Variants in MGA observed in about 807,000 individuals in gnomAD.
The protein encoded by MGA is MAX gene-associated protein.
Under a neutral mutation model 261.1 loss-of-function variants are expected in MGA, and 40 were observed. The ratio of observed to expected loss-of-function variants is 0.15; its 90% CI spans 0.12 to 0.20. The LOEUF (loss-of-function observed/expected upper bound fraction) is 0.20. MGA is among the 10% of genes least tolerant of loss of function. The pLI is 1.00. For synonymous variants in MGA, 1,302 were observed against 1,290.6 expected (o/e 1.01, Z -0.19); for missense variants, 3,397 against 3,630.5 (o/e 0.94, Z 1.65).
intron 5 of MGA, among the ~76,000 whole-genome samples, chr15:41,703,811 GGTT>G (rs1160076041): frequency 6.6e-6 from 1 of 152,106 alleles, no homozygotes; most frequent in Non-Finnish European, 1.5e-5. Context: ...TTTGGTTTTT[GGTT>G]GTTGTTTTTG....
intron 11 of MGA, among the ~76,000 whole-genome samples, chr15:41,732,126 G>A (rs2061537959): frequency 6.6e-6 from 1 of 151,178 alleles, no homozygotes; most frequent in African/African-American, 2.4e-5. Context: ...TAAAGAAAAA[G>A]CCCCTAAAAT....
At chr15:41,709,603 C>T (rs758757256) in intron 7 of MGA, among the ~76,000 whole-genome samples, 5 of 151,736 alleles carry the variant, frequency 3.3e-5, no homozygotes, top group Non-Finnish European at 7.4e-5. Context: ...CGCCACCATG[C>T]CTGGCTAAGT....
At chr15:41,703,368 A>ACCCCCCCCCCCCCCCCCC (rs71108121) in intron 5 of MGA, among the ~76,000 whole-genome samples, 5 of 93,250 alleles carry the variant, frequency 5.4e-5, no homozygotes, top group Admixed American at 1.4e-4. Context: ...TTGTGAAGTT[A>ACCCCCCCCCCCCCCCCCC]CCCCCCCCCC....
intron 2 of MGA, among the ~76,000 whole-genome samples, chr15:41,677,361 C>G (rs192254441): frequency 6.6e-6 from 1 of 152,160 alleles, no homozygotes. Flanking sequence ...AGGCTGGTTT[C>G]GAACTCCTGA....
chr15:41,750,384 A>C lies in MGA; in HGVS notation c.6777A>C (p.Arg2259Ser). 1.9e-6 allele frequency: 3 copies of C among 1,613,930 alleles called. No individual in the cohort carries two copies. Among genetic ancestry groups the C allele is most frequent in the Non-Finnish European group, 2.5e-6 (3 of 1,179,882 alleles). ...CAGCCTTCTCCATTGTTCCTAGGAG[A>C]GCTGCAAAAAGCAGCAGAGGGAATG... is the stretch of plus-strand genomic sequence containing the variant. The change falls in exon 17 of 24, where the codon AGA becomes AGC. Residue 2259 changes from arginine to serine, a missense_variant. By Grantham distance (110) the Arg-to-Ser change is moderately radical (BLOSUM62 -1). This residue lies in a region of MGA where 1,410 missense variants were observed against 1,386.4 expected (regional missense o/e 1.02). Transcript: ENST00000219905.
chr15:41,693,575 T>TTAG (rs1001380595), intron 2 of MGA, among the ~76,000 whole-genome samples: 45 of 152,268 alleles, frequency 3.0e-4, no homozygotes, highest in African/African-American at 1.1e-3. Context: ...AGACACTGGG[T>TTAG]TAGCAAGTAG....
At chr15:41,633,813 A>T (rs1398260534) in intron 1 of MGA, among the ~76,000 whole-genome samples, 1 of 152,196 alleles carries the variant, frequency 6.6e-6, no homozygotes, top group Admixed American at 6.5e-5. Context: ...TCCTCTGCTC[A>T]AAACCTTACA....
intron 15 of MGA, among the ~76,000 whole-genome samples, chr15:41,745,036 G>A (rs969437874): frequency 1.3e-5 from 2 of 151,998 alleles, no homozygotes; most frequent in African/African-American, 2.4e-5. Flanking sequence ...CCGCCACCAC[G>A]CAGTGGTGTA....
At chr15:41,655,571 T>C (rs1248047832), upstream of MGA, among the ~76,000 whole-genome samples, 2 of 152,160 alleles carry the variant, frequency 1.3e-5, no homozygotes, top group Non-Finnish European at 2.9e-5. Flanking sequence ...GTATTGTCAT[T>C]TATTTGTTTT....
Position 41,734,508 on chromosome 15 carries a change from A to G in MGA, c.3844-14A>G, listed in dbSNP as rs1402867981. ...TGTTAAGTTAAAGTATTTCTGTGTT[A>G]CTGTCTCCTTCAGGAACCTGATTCT... On this transcript the variant is annotated splice_polypyrimidine_tract_variant and intron_variant, in intron 11 of 23. Transcript: ENST00000219905. 1.3e-6 allele frequency: 2 copies of G among 1,595,290 alleles called. No individual in the cohort carries two copies. The highest frequency in any genetic ancestry group is 2.3e-5 in the South Asian group (2 of 88,732).
intron 2 of MGA, among the ~76,000 whole-genome samples, chr15:41,680,972 T>C (rs934362403): frequency 6.6e-6 from 1 of 152,044 alleles, no homozygotes; most frequent in Non-Finnish European, 1.5e-5. Flanking sequence ...ATTTAGGGGG[T>C]CTACTACAGG....
intron 1 of MGA, among the ~76,000 whole-genome samples, chr15:41,641,414 C>G (rs2056816224): frequency 6.6e-6 from 1 of 151,432 alleles, no homozygotes; most frequent in Non-Finnish European, 1.5e-5. Context: ...TGCCAGTGTT[C>G]TCCAGAGTAC....
At chr15:41,685,829 C>T (rs759985792) in intron 2 of MGA, among the ~76,000 whole-genome samples, 37 of 151,590 alleles carry the variant, frequency 2.4e-4, no homozygotes, top group Non-Finnish European at 4.0e-4. Flanking sequence ...GGTGAAACCC[C>T]GTCTCTACTA....
chr15:41,666,266 A>G (rs539479557), intron 1 of MGA, among the ~76,000 whole-genome samples: 3 of 152,346 alleles, frequency 2.0e-5, no homozygotes, highest in Non-Finnish European at 2.9e-5. Flanking sequence ...GTAAAAGGGT[A>G]TCTTTTCCAA....
At chr15:41,675,193 C>A (rs765808117) in intron 2 of MGA, among the ~76,000 whole-genome samples, 2 of 152,196 alleles carry the variant, frequency 1.3e-5, no homozygotes, top group Non-Finnish European at 2.9e-5. Flanking sequence ...AGTAGGCATA[C>A]TTTTAGTAGA....
At chr15:41,704,681 A>G (rs1269020017) in intron 5 of MGA, among the ~76,000 whole-genome samples, 3 of 152,150 alleles carry the variant, frequency 2.0e-5, no homozygotes, top group African/African-American at 4.8e-5. Flanking sequence ...AACAAAAAAA[A>G]TTGGTGATTA....
chr15:41,698,831 AACT>A (rs960302228), intron 3 of MGA, 29 bp from the exon 4 acceptor site: 1 of 1,425,194 alleles, frequency 7.0e-7, no homozygotes, highest in South Asian at 1.4e-5. Context: ...AAGCAATATG[AACT>A]ACTATTTTTT....
In MGA at chr15:41,669,132, G is replaced by C; in HGVS notation, c.238G>C (p.Asp80His). ...TGTGGGTGGAATCACTGTTACCCTC[G>C]ATAACAATAGTATGTGGAATGAGTT... The change falls in exon 2 of 24, where the codon GAT (aspartate) becomes CAT (histidine). Residue 80 changes from aspartate (D) to histidine (H), a missense_variant. By Grantham distance (81) the Asp-to-His change is moderately conservative. This residue lies in a region of MGA where 104 missense variants were observed against 212.9 expected (regional missense o/e 0.49). Coordinates refer to ENST00000219905, the MANE Select transcript of MGA (RefSeq NM_001164273.2). 2 of 1,613,164 alleles carry C rather than the reference G, an allele frequency of 1.2e-6. No homozygotes were observed. The highest frequency in any genetic ancestry group is 1.7e-6 in the Non-Finnish European group (2 of 1,179,200).
intron 1 of MGA, among the ~76,000 whole-genome samples, chr15:41,626,422 T>A (rs1218758243): frequency 2.0e-5 from 3 of 152,072 alleles, no homozygotes; most frequent in Non-Finnish European, 4.4e-5. Context: ...AAAAAAACTT[T>A]TTTTTTTAAA....
Sources: gnomAD v4.1 joint callset for allele counts (sites outside exome capture counted in the v4.1 genomes callset) on GRCh38, gnomAD v4.1.1 for gene constraint, gnomAD v4.1.1 regional missense constraint, MANE v1.5 for transcripts, NCBI Gene and HGNC (gene_info 2026-07-23, HGNC 2026-07-21) for gene names.